VPS13B: variants seen among roughly 807,000 people sequenced by gnomAD.
VPS13B encodes intermembrane lipid transfer protein VPS13B.
In VPS13B, 285 loss-of-function variants were observed where a neutral mutation model predicts 426.4. The ratio of observed to expected loss-of-function variants is 0.67; its 90% CI spans 0.61 to 0.74. VPS13B has a LOEUF of 0.74. VPS13B is among the 30% of genes least tolerant of loss of function. The pLI, the probability that VPS13B is intolerant of heterozygous loss-of-function variation, is 0.00. For missense variants in VPS13B, 4,537 were observed against 4,782.6 expected, an observed-to-expected ratio of 0.95 and a Z score of 1.51; for synonymous variants, 1,676 against 1,676.4, an observed-to-expected ratio of 1.00 and a Z score of 0.01.
At chr8:99,668,456 T>G (rs1281434865) in intron 35 of VPS13B, among the ~76,000 whole-genome samples, 1 of 152,156 alleles carries the variant, frequency 6.6e-6, no homozygotes, top group Non-Finnish European at 1.5e-5. Context: ...ACTTCACAGC[T>G]TTTGAAATTT....
At chr8:99,607,825 A>T (rs1461891792) in intron 33 of VPS13B, among the ~76,000 whole-genome samples, 2 of 152,140 alleles carry the variant, frequency 1.3e-5, no homozygotes, top group Non-Finnish European at 2.9e-5. Flanking sequence ...AAATATTAAT[A>T]AAAATGCCTT....
At chr8:99,245,608 T>A (rs1388952465) in intron 17 of VPS13B, among the ~76,000 whole-genome samples, 2 of 152,234 alleles carry the variant, frequency 1.3e-5, no homozygotes, top group Admixed American at 6.5e-5. Flanking sequence ...TCGCCCAGGC[T>A]GGAGTACAGT....
chr8:99,742,410 G>T (rs1216075717), intron 39 of VPS13B, among the ~76,000 whole-genome samples: 1 of 152,146 alleles, frequency 6.6e-6, no homozygotes, highest in African/African-American at 2.4e-5. Flanking sequence ...GGAGGAGCTG[G>T]TACCATTCCT....
intron 33 of VPS13B, among the ~76,000 whole-genome samples, chr8:99,589,749 T>C (rs998896621): frequency 6.6e-6 from 1 of 152,188 alleles, no homozygotes; most frequent in African/African-American, 2.4e-5. Flanking sequence ...TCAAATGGTA[T>C]TGAGGATTTT....
chr8:99,820,088 C>A lies in VPS13B; in HGVS notation c.8960C>A (p.Pro2987His). ...GGAGAGAAAATTGTTCTACAGGTTCCTGCTGGCAAAATTATTATTCCTCCT... is the reference window on the plus strand; with the variant it reads ...GGAGAGAAAATTGTTCTACAGGTTCATGCTGGCAAAATTATTATTCCTCCT... ...FEGEKIVLQV[P>H]AGKIIIPPNF... Residue 2987 changes from proline to histidine, a missense_variant, in exon 49 of 62, where the codon CCT (proline) becomes CAT (histidine). Pro to His is a moderately conservative substitution (Grantham distance 77). This residue lies in a region of VPS13B where 4,311 missense variants were observed against 4,474.3 expected (regional missense o/e 0.96). Transcript: ENST00000357162. The A allele has an allele frequency of 6.2e-7, 1 of 1,613,906 alleles. No homozygotes were observed. Among genetic ancestry groups the A allele is most frequent in the Non-Finnish European group, 8.5e-7 (1 of 1,179,854 alleles).
At chr8:99,846,167 G>C (rs376780751) in intron 54 of VPS13B, among the ~76,000 whole-genome samples, 2 of 152,212 alleles carry the variant, frequency 1.3e-5, no homozygotes, top group African/African-American at 2.4e-5. Flanking sequence ...GGCACTGGTT[G>C]TAAGTACTGA....
At chr8:99,310,968 A>G (rs1022259171) in intron 19 of VPS13B, among the ~76,000 whole-genome samples, 1 of 152,144 alleles carries the variant, frequency 6.6e-6, no homozygotes. Flanking sequence ...AGAGGTGTTT[A>G]TAATATTCTC....
At chr8:99,770,567 G>A (rs1342313175) in intron 40 of VPS13B, among the ~76,000 whole-genome samples, 1 of 152,186 alleles carries the variant, frequency 6.6e-6, no homozygotes, top group East Asian at 1.9e-4. Flanking sequence ...GCCAAAAGAA[G>A]CCAGGTGATA....
At chr8:99,341,683 C>T (rs1563677540) in intron 19 of VPS13B, 9 of 348,078 alleles carry the variant, frequency 2.6e-5, no homozygotes, top group South Asian at 9.1e-5. Flanking sequence ...TCACAGCTTC[C>T]GTTCCAACTA....
chr8:99,652,089 A>G (rs1431927634), intron 34 of VPS13B, among the ~76,000 whole-genome samples: 1 of 152,192 alleles, frequency 6.6e-6, no homozygotes, highest in Non-Finnish European at 1.5e-5. Context: ...TGTAATGTTT[A>G]AGATAGGTTA....
intron 15 of VPS13B, among the ~76,000 whole-genome samples, chr8:99,166,032 T>C (rs565970927): frequency 4.9e-4 from 75 of 152,314 alleles, no homozygotes; most frequent in African/African-American, 1.7e-3. Flanking sequence ...CTGGCTGGAG[T>C]GCAATGGCAC....
intron 22 of VPS13B, among the ~76,000 whole-genome samples, chr8:99,434,778 G>A (rs1490207595): frequency 1.3e-5 from 2 of 152,198 alleles, no homozygotes; most frequent in Admixed American, 6.5e-5. Flanking sequence ...CTCTTAGCTT[G>A]CAGAGTTATG....
chr8:99,412,888 C>T (rs757125000), intron 21 of VPS13B, among the ~76,000 whole-genome samples: 5 of 152,180 alleles, frequency 3.3e-5, no homozygotes. Flanking sequence ...TTGAACCAGC[C>T]TTGCATTCCA....
chr8:99,363,822 C>A (rs930546693), intron 19 of VPS13B, among the ~76,000 whole-genome samples: 18 of 152,066 alleles, frequency 1.2e-4, no homozygotes, highest in Non-Finnish European at 2.6e-4. Flanking sequence ...GATTTTGTAT[C>A]CTGCAGCTTT....
chr8:99,644,138 A>G (rs1829484494), intron 34 of VPS13B, among the ~76,000 whole-genome samples: 1 of 152,196 alleles, frequency 6.6e-6, no homozygotes, highest in South Asian at 2.1e-4. Context: ...ACCTCTTCCT[A>G]AATTTGTAGA....
intron 16 of VPS13B, among the ~76,000 whole-genome samples, chr8:99,175,003 T>C (rs1812552079): frequency 6.6e-6 from 1 of 152,226 alleles, no homozygotes; most frequent in Admixed American, 6.5e-5. Context: ...TTTTACTTTT[T>C]CTTAATGATT....
chr8:99,588,613 CTGTT>C (rs1826434026), intron 33 of VPS13B, among the ~76,000 whole-genome samples: 3 of 151,648 alleles, frequency 2.0e-5, no homozygotes, highest in East Asian at 1.9e-4. Context: ...ATTTGGCACT[CTGTT>C]TGTTAATATT....
chr8:99,853,732 G>A lies in VPS13B; in HGVS notation c.10343G>A (p.Gly3448Glu). Residue 3448 changes from glycine to glutamate, a missense_variant, in exon 56 of 62, where the codon GGA becomes GAA. Around this residue, in one of 2 missense-constraint regions of VPS13B, gnomAD observed 4,311 missense variants for 4,474.3 expected, o/e 0.96. Coordinates refer to ENST00000357162, the MANE Select transcript of VPS13B (RefSeq NM_152564.5). ...CACTTTGCTGTCTTAGTCTGCCAGG[G>A]AGAAAAAGCAGAACCCATTCAGTGT... ...NFHFAVLVCQGEKAEPIQCSK... is the reference protein window; with the variant it reads ...NFHFAVLVCQEEKAEPIQCSK... 1 of 1,614,202 alleles carries A rather than the reference G, an allele frequency of 6.2e-7. No individual in the cohort carries two copies.
intron 30 of VPS13B, among the ~76,000 whole-genome samples, chr8:99,534,436 T>A (rs1205378998): frequency 6.6e-6 from 1 of 152,208 alleles, no homozygotes; most frequent in Non-Finnish European, 1.5e-5. Flanking sequence ...AATAATAGAA[T>A]GTTTGGGTTC....
Sources: allele counts gnomAD v4.1 joint callset (sites outside exome capture counted in the v4.1 genomes callset), GRCh38; gene constraint gnomAD v4.1.1; regional missense constraint gnomAD v4.1.1; transcripts MANE v1.5; gene names NCBI Gene and HGNC (gene_info 2026-07-23, HGNC 2026-07-21).